DNAH11: variants seen among roughly 807,000 people sequenced by gnomAD.
The protein encoded by DNAH11 is axonemal beta dynein heavy chain 11.
DNAH11 carries 442 observed loss-of-function variants against 526.0 expected under a neutral mutation model. That is an observed-to-expected ratio of 0.84 (90% CI 0.78 to 0.91). The LOEUF is 0.91. Ranked by LOEUF, DNAH11 falls within the 40% of genes least tolerant of loss-of-function variation. The pLI is 0.00. For synonymous variants in DNAH11, 2,461 were observed against 1,935.9 expected (o/e 1.27, Z -7.12); for missense variants, 6,989 against 5,448.7 (o/e 1.28, Z -8.90).
chr7:21,796,995 A>T (rs1007304517), intron 61 of DNAH11, among the ~76,000 whole-genome samples: 25 of 152,232 alleles, frequency 1.6e-4, no homozygotes, highest in African/African-American at 5.5e-4. Context: ...AGAAGAACAA[A>T]GAAAAAAGTG....
At chr7:21,784,114 C>G (rs556106151) in intron 57 of DNAH11, among the ~76,000 whole-genome samples, 1 of 152,240 alleles carries the variant, frequency 6.6e-6, no homozygotes, top group East Asian at 1.9e-4. Flanking sequence ...AACTGAAGAA[C>G]AGAGGAATCA....
chr7:21,798,715 A>G (rs149844770), intron 61 of DNAH11, among the ~76,000 whole-genome samples: 5 of 152,332 alleles, frequency 3.3e-5, no homozygotes, highest in African/African-American at 1.2e-4. Context: ...CATACAGCAG[A>G]GTTTTTCAGC....
In DNAH11 at chr7:21,765,414, C is replaced by T. The variant is rs368656321; in HGVS notation, c.8941-14C>T. The stretch of plus-strand genomic sequence containing the variant: ...TCACCCGCCTGTTTCTGCCTTGCCC[C>T]CATGTCTCCACAGATCATTTTGTGT... On this transcript the variant is annotated splice_polypyrimidine_tract_variant and intron_variant, in intron 54 of 81. Transcript: ENST00000409508. 2.1e-5 allele frequency: 34 copies of T among 1,613,566 alleles called. No homozygotes were observed. In the African/African-American group the frequency reaches 3.7e-4, roughly 18 times the overall value.
chr7:21,738,222 GTGTCTACACACACTGTTCT>G (rs1186451927), intron 46 of DNAH11, among the ~76,000 whole-genome samples: 1 of 152,182 alleles, frequency 6.6e-6, no homozygotes, highest in Admixed American at 6.5e-5. Context: ...CTTGTGGATA[GTGTCTACACACACTGTTCT>G]TGTGCCTCTG....
At chr7:21,891,696 C>T (rs1185681914) in intron 76 of DNAH11, among the ~76,000 whole-genome samples, 4 of 152,136 alleles carry the variant, frequency 2.6e-5, no homozygotes, top group Admixed American at 6.6e-5. Context: ...GATAAAAGCC[C>T]GCTTTCTCCA....
At chr7:21,806,777 A>G (rs1789280074) in intron 62 of DNAH11, among the ~76,000 whole-genome samples, 2 of 152,276 alleles carry the variant, frequency 1.3e-5, no homozygotes, top group Admixed American at 6.5e-5. Context: ...AGTTCAGTCA[A>G]TCCATACATA....
intron 48 of DNAH11, 75 bp downstream of exon 48, chr7:21,739,748 A>G (rs1327792531): frequency 5.3e-6 from 6 of 1,140,372 alleles, no homozygotes; most frequent in African/African-American, 1.6e-5. Flanking sequence ...TAGGATTCCT[A>G]TGGGACATCT....
intron 45 of DNAH11, among the ~76,000 whole-genome samples, chr7:21,727,468 C>T (rs1010949552): frequency 3.9e-5 from 6 of 152,190 alleles, no homozygotes; most frequent in Admixed American, 6.5e-5. Context: ...CGTCTATTCA[C>T]GTTTCACAGT....
chr7:21,899,036 T>C (rs958669333), intron 79 of DNAH11, among the ~76,000 whole-genome samples: 2 of 152,174 alleles, frequency 1.3e-5, no homozygotes, highest in African/African-American at 4.8e-5. Flanking sequence ...CTTTGTATAG[T>C]CACCACATAG....
chr7:21,836,834 A>C (rs1782014276), intron 65 of DNAH11, among the ~76,000 whole-genome samples: 1 of 152,170 alleles, frequency 6.6e-6, no homozygotes, highest in Admixed American at 6.5e-5. Flanking sequence ...AAATATGTTC[A>C]AAATATGCCT....
At chr7:21,705,101 C>A (rs1047956512) in intron 38 of DNAH11, among the ~76,000 whole-genome samples, 3 of 152,150 alleles carry the variant, frequency 2.0e-5, no homozygotes, top group African/African-American at 4.8e-5. Context: ...ACACTATATA[C>A]ATTATCCATT....
chr7:21,867,697 G>A (rs577066376), intron 71 of DNAH11, among the ~76,000 whole-genome samples, 162 bp from the exon 72 acceptor site: 6 of 152,250 alleles, frequency 3.9e-5, no homozygotes, highest in South Asian at 2.1e-4. Flanking sequence ...CACACCTACC[G>A]CATACATCTA....
intron 65 of DNAH11, among the ~76,000 whole-genome samples, chr7:21,839,920 AATTCAT>A (rs1048410213): frequency 6.6e-6 from 1 of 152,242 alleles, no homozygotes; most frequent in African/African-American, 2.4e-5. Context: ...TGGGATTTTA[AATTCAT>A]ATTCAGGCAA....
chr7:21,877,601 C>T (rs1783764634), intron 74 of DNAH11, among the ~76,000 whole-genome samples: 1 of 151,614 alleles, frequency 6.6e-6, no homozygotes. Flanking sequence ...TGAGGCTAGG[C>T]ACGGTGGCTC....
rs1212421770 is a variant in DNAH11, at chr7:21,543,328, A to T, written c.83A>T (p.Glu28Val). 6 of 1,550,486 alleles carry T rather than the reference A, an allele frequency of 3.9e-6. No individual in the cohort carries two copies. In the East Asian group the frequency reaches 1.5e-4, roughly 38 times the overall value. Residue 28 changes from glutamate (E) to valine (V), a missense_variant, in exon 1 of 82, where the codon GAG becomes GTG. Transcript: ENST00000409508. The stretch of plus-strand genomic sequence containing the variant: ...CGCCTAACCTCGGGGGCCGGCCTGG[A>T]GGCAGTGGGCGCTGTGGAGCTCGAG... The part of the protein sequence containing the change: ...TLRLTSGAGL[E>V]AVGAVELEEE...
chr7:21,852,289 C>A (rs1782669681), intron 66 of DNAH11, among the ~76,000 whole-genome samples, 178 bp from the exon 67 acceptor site: 1 of 151,746 alleles, frequency 6.6e-6, no homozygotes, highest in South Asian at 2.1e-4. Context: ...CACCTGTAAT[C>A]TCAGCTACTC....
chr7:21,599,939 G>A lies in DNAH11; in HGVS notation c.2820G>A (p.Pro940=), dbSNP rs377575914. The change falls in exon 15 of 82, where the codon CCG becomes CCA. Residue 940 remains proline, a synonymous_variant. Transcript: ENST00000409508. ...FLKNTEKQLK[P]APFFQAQMIL... is the part of the protein sequence containing the mutation. ...AGAATACAGAGAAACAATTGAAACCGGCACCGTTTTTTCAAGCACAAATGA... is the reference window on the plus strand; with the variant it reads ...AGAATACAGAGAAACAATTGAAACCAGCACCGTTTTTTCAAGCACAAATGA... 3.3e-5 allele frequency: 53 copies of A among 1,613,284 alleles called. No individual in the cohort carries two copies. The highest frequency in any genetic ancestry group is 1.1e-4 in the South Asian group (10 of 91,056).
At chr7:21,721,587 G>A (rs572742269) in intron 44 of DNAH11, among the ~76,000 whole-genome samples, 46 of 152,214 alleles carry the variant, frequency 3.0e-4, no homozygotes, top group African/African-American at 1.0e-3. Flanking sequence ...CCACTTTCCC[G>A]CTGTGTCCCC....
intron 9 of DNAH11, among the ~76,000 whole-genome samples, chr7:21,587,652 A>G (rs902463253): frequency 2.6e-5 from 4 of 152,118 alleles, no homozygotes; most frequent in African/African-American, 9.7e-5. Context: ...GCTGTGACCT[A>G]GAGGGCCTTA....
Sources: allele counts gnomAD v4.1 joint callset (sites outside exome capture counted in the v4.1 genomes callset), GRCh38; gene constraint gnomAD v4.1.1; transcripts MANE v1.5; gene names NCBI Gene and HGNC (gene_info 2026-07-23, HGNC 2026-07-21).